Variants in RNF38 observed in about 807,000 individuals in gnomAD.
RNF38 encodes the protein E3 ubiquitin-protein ligase RNF38.
RNF38 carries 15 observed loss-of-function variants against 67.2 expected under a neutral mutation model. The ratio of observed to expected loss-of-function variants is 0.22; its 90% confidence interval spans 0.15 to 0.34. The LOEUF is 0.34. Ranked by LOEUF, RNF38 falls within the 10% of genes least tolerant of loss-of-function variation. RNF38 has a pLI of 1.00. For missense variants in RNF38, 524 were observed against 639.9 expected (o/e 0.82, Z 1.95); for synonymous variants, 220 against 218.8 (o/e 1.01, Z -0.05).
intron 2 of RNF38, among the ~76,000 whole-genome samples, chr9:36,421,660 T>C (rs1838631457): frequency 6.6e-6 from 1 of 151,950 alleles, no homozygotes; most frequent in Non-Finnish European, 1.5e-5. Flanking sequence ...CGAAACTCTG[T>C]CTGAAAAATA....
chr9:36,401,173 C>G (rs1838009122), upstream of RNF38: 14 of 984,914 alleles, frequency 1.4e-5, no homozygotes, highest in Non-Finnish European at 1.7e-5. Flanking sequence ...CGCCGAACCC[C>G]CTTTGTTTCC....
In RNF38 at chr9:36,480,538, TTTTC is replaced by T. The variant is rs1339919181; in HGVS notation, n.241+6766_241+6769del. ...GCTTGCTATTCTATGTATACAGTTT[TTTTC>T]TTTTTCTTTTTTTTTTTTTTTTTTT... On this transcript the variant is annotated intron_variant and non_coding_transcript_variant, in intron 1 of 3. Coordinates refer to the RNF38 transcript ENST00000488058. Among the ~76,000 whole-genome samples, 5 of 127,642 alleles carry T rather than the reference TTTTC, an allele frequency of 3.9e-5. No homozygotes were observed. The East Asian group carries it at 6.8e-4, about 17-fold the overall frequency. 83.7% of individuals were successfully genotyped at this position (127,642 alleles called of 152,430 possible). A position where few individuals can be genotyped will look rare whatever the true frequency, so the allele number is the denominator to read the frequency against.
At chr9:36,453,635 G>C (rs1839514414) in intron 1 of RNF38, among the ~76,000 whole-genome samples, 1 of 152,072 alleles carries the variant, frequency 6.6e-6, no homozygotes, top group Non-Finnish European at 1.5e-5. Context: ...CCACTGCCTT[G>C]GCCTCCCAAA....
chr9:36,485,925 G>C (rs1357606119), intron 1 of RNF38, among the ~76,000 whole-genome samples: 2 of 152,120 alleles, frequency 1.3e-5, no homozygotes, highest in East Asian at 3.9e-4. Context: ...TTCTATAAAA[G>C]TATAGCTGTC....
chr9:36,438,033 C>A (rs1839108911), intron 1 of RNF38, among the ~76,000 whole-genome samples: 1 of 152,204 alleles, frequency 6.6e-6, no homozygotes, highest in Non-Finnish European at 1.5e-5. Context: ...GCAGCCTCAA[C>A]CTCCTGGGCT....
At chr9:36,371,735 A>G (rs1256876323) in intron 3 of RNF38, among the ~76,000 whole-genome samples, 1 of 151,762 alleles carries the variant, frequency 6.6e-6, no homozygotes, top group African/African-American at 2.4e-5. Flanking sequence ...TATAGGTGGG[A>G]GCCACTGCAC....
chr9:36,366,695 T>C (rs987435725), intron 4 of RNF38, among the ~76,000 whole-genome samples: 9 of 152,238 alleles, frequency 5.9e-5, no homozygotes, highest in Middle Eastern at 3.2e-3. Flanking sequence ...ATAGTCAGCA[T>C]CCTGGTTTAT....
intron 10 of RNF38, among the ~76,000 whole-genome samples, chr9:36,343,384 T>C (rs1832985013): frequency 6.6e-6 from 1 of 152,156 alleles, no homozygotes; most frequent in Non-Finnish European, 1.5e-5. Context: ...ATCTATAATA[T>C]GTATAAAACC....
chr9:36,337,197 GCTCA>G lies in RNF38; in HGVS notation c.*2551_*2554del, dbSNP rs1207444939. On this transcript the variant is annotated 3_prime_UTR_variant, in exon 12 of 12. Transcript: ENST00000259605. ...CTTCTCTTTTGCTAGCCACAGAGTT[GCTCA>G]CTGTGGCAAGCCTGAGCTGGTCAGA... 2.6e-5 allele frequency: 4 copies of G among 152,246 alleles called. No homozygotes were observed. The highest frequency in any genetic ancestry group is 9.6e-5 in the African/African-American group (4 of 41,458). The allele number at this position is 152,246 out of a possible 1,614,324, so 9.4% of individuals were successfully genotyped here.
chr9:36,398,746 A>C (rs1200857100), intron 1 of RNF38, among the ~76,000 whole-genome samples: 1 of 152,226 alleles, frequency 6.6e-6, no homozygotes, highest in African/African-American at 2.4e-5. Context: ...AACAATCAAG[A>C]CTAATTAAGA....
At chr9:36,375,286 T>C (rs1030806989) in intron 3 of RNF38, among the ~76,000 whole-genome samples, 2 of 151,730 alleles carry the variant, frequency 1.3e-5, no homozygotes, top group African/African-American at 2.4e-5. Context: ...AGCCTTACAC[T>C]CTTGGGCTCA....
At chr9:36,369,982 G>T in intron 3 of RNF38, 50 bp from the exon 4 acceptor site, 5 of 1,464,508 alleles carry the variant, frequency 3.4e-6, no homozygotes, top group Non-Finnish European at 4.7e-6. Context: ...TGATCCATCA[G>T]GATTCTGTAT....
chr9:36,456,889 G>A (rs1839608084), intron 1 of RNF38, among the ~76,000 whole-genome samples: 1 of 152,104 alleles, frequency 6.6e-6, no homozygotes, highest in Admixed American at 6.6e-5. Context: ...AAGTGTAGGA[G>A]TTCAACCTCC....
chr9:36,380,766 T>C (rs1007231178), intron 2 of RNF38, among the ~76,000 whole-genome samples: 1 of 152,164 alleles, frequency 6.6e-6, no homozygotes, highest in African/African-American at 2.4e-5. Flanking sequence ...AGTGCTGGGA[T>C]TACAGGTGTT....
chr9:36,340,941 A>G (rs1308105868), intron 11 of RNF38, among the ~76,000 whole-genome samples: 2 of 151,634 alleles, frequency 1.3e-5, no homozygotes, highest in Non-Finnish European at 2.9e-5. Flanking sequence ...GTAATTCTCA[A>G]ATCAGTCCCT....
chr9:36,470,585 T>C (rs1403853307), intron 1 of RNF38, among the ~76,000 whole-genome samples: 1 of 152,208 alleles, frequency 6.6e-6, no homozygotes, highest in Non-Finnish European at 1.5e-5. Flanking sequence ...TTATAAGCTA[T>C]TTTTCTTTTA....
intron 1 of RNF38, among the ~76,000 whole-genome samples, chr9:36,449,108 A>T (rs1165946659): frequency 6.6e-6 from 1 of 152,228 alleles, no homozygotes; most frequent in African/African-American, 2.4e-5. Flanking sequence ...TCTTATTAAT[A>T]ATGGCTTTTT....
chr9:36,482,375 C>CA (rs1840293805), intron 1 of RNF38, among the ~76,000 whole-genome samples: 1 of 84,944 alleles, frequency 1.2e-5, no homozygotes, highest in South Asian at 4.3e-4. Context: ...TTTTTTGAGA[C>CA]AGAGTCTCAC....
chr9:36,448,830 C>T (rs1839369290), intron 1 of RNF38, among the ~76,000 whole-genome samples: 1 of 151,866 alleles, frequency 6.6e-6, no homozygotes, highest in South Asian at 2.1e-4. Flanking sequence ...ATGGTGAAAC[C>T]CTGTCTCTAT....
Sources: gnomAD v4.1 joint callset for allele counts (sites outside exome capture counted in the v4.1 genomes callset) on GRCh38, gnomAD v4.1.1 for gene constraint, MANE v1.5 for transcripts, NCBI Gene and HGNC (gene_info 2026-07-23, HGNC 2026-07-21) for gene names.